FOXP1: variants seen among roughly 807,000 people sequenced by gnomAD.
The protein encoded by FOXP1 is forkhead box protein P1.
In FOXP1, 15 loss-of-function variants were observed where a neutral mutation model predicts 98.2. The ratio of observed to expected loss-of-function variants is 0.15; its 90% confidence interval spans 0.10 to 0.24. The LOEUF is 0.24. Ranked by LOEUF, FOXP1 falls within the 10% of genes least tolerant of loss-of-function variation. FOXP1 has a pLI of 1.00. For synonymous variants in FOXP1, 371 were observed against 314.5 expected (o/e 1.18, Z -1.90); for missense variants, 633 against 848.5 (o/e 0.75, Z 3.15).
chr3:71,541,961 G>A (rs766043868), intron 2 of FOXP1: 18 of 532,046 alleles, frequency 3.4e-5, no homozygotes, highest in East Asian at 5.4e-5. Flanking sequence ...GCATCACGCC[G>A]CGCGAGACAG....
At chr3:71,536,127 G>A (rs766889880) in intron 2 of FOXP1, among the ~76,000 whole-genome samples, 3 of 152,032 alleles carry the variant, frequency 2.0e-5, no homozygotes, top group Non-Finnish European at 2.9e-5. Flanking sequence ...CAGAGAGAAG[G>A]TGCCTCATGT....
At chr3:71,507,877 C>A (rs1438226605) in intron 2 of FOXP1, among the ~76,000 whole-genome samples, 1 of 152,100 alleles carries the variant, frequency 6.6e-6, no homozygotes, top group Non-Finnish European at 1.5e-5. Context: ...ATACCCAGCC[C>A]AAAACTGCTA....
intron 3 of FOXP1, among the ~76,000 whole-genome samples, chr3:71,399,648 A>C (rs1450928400): frequency 6.6e-6 from 1 of 152,188 alleles, no homozygotes; most frequent in East Asian, 1.9e-4. Context: ...CAACCTTCTG[A>C]GATGGAGCAT....
At chr3:71,024,622 C>T (rs562875813) in intron 11 of FOXP1, among the ~76,000 whole-genome samples, 2 of 152,166 alleles carry the variant, frequency 1.3e-5, no homozygotes, top group Non-Finnish European at 2.9e-5. Context: ...TTTTCTGCTG[C>T]TTTTCAAATC....
intron 11 of FOXP1, among the ~76,000 whole-genome samples, chr3:71,030,978 T>C (rs192375537): frequency 5.9e-5 from 9 of 152,310 alleles, no homozygotes; most frequent in African/African-American, 2.2e-4. Context: ...GTCACAGACA[T>C]AGATATCCGC....
intron 7 of FOXP1, among the ~76,000 whole-genome samples, chr3:71,077,208 C>G (rs2053885649): frequency 6.6e-6 from 1 of 152,206 alleles, no homozygotes; most frequent in Non-Finnish European, 1.5e-5. Context: ...AGAACTCTAA[C>G]AAAAACGGCA....
At chr3:70,966,681 C>G (rs996371186) in intron 19 of FOXP1, among the ~76,000 whole-genome samples, 1 of 152,110 alleles carries the variant, frequency 6.6e-6, no homozygotes, top group African/African-American at 2.4e-5. Flanking sequence ...AGAGTCCGAC[C>G]AATTGCCTAG....
intron 20 of FOXP1, among the ~76,000 whole-genome samples, chr3:70,960,451 G>A (rs536686671): frequency 1.3e-5 from 2 of 152,180 alleles, no homozygotes; most frequent in Non-Finnish European, 2.9e-5. Flanking sequence ...ACACAAAACC[G>A]CTCGGATAAC....
intron 2 of FOXP1, among the ~76,000 whole-genome samples, chr3:71,506,585 G>T (rs545459605): frequency 2.8e-4 from 43 of 152,196 alleles, no homozygotes; most frequent in African/African-American, 9.9e-4. Context: ...CTTGACTTAG[G>T]CTCGCTGCTA....
At chr3:71,258,324 G>A (rs1291967876) in intron 5 of FOXP1, among the ~76,000 whole-genome samples, 2 of 151,902 alleles carry the variant, frequency 1.3e-5, no homozygotes, top group Non-Finnish European at 2.9e-5. Flanking sequence ...GGTAGGAGAG[G>A]AGGAAAAAAA....
chr3:71,099,391 A>C (rs2056762758), intron 7 of FOXP1, among the ~76,000 whole-genome samples: 1 of 152,160 alleles, frequency 6.6e-6, no homozygotes. Context: ...GCGCCCCTGT[A>C]ATCCCAGCTA....
At chr3:71,431,062 G>A (rs75583841) in intron 3 of FOXP1, among the ~76,000 whole-genome samples, 2,211 of 152,312 alleles carry the variant, frequency 0.015, 66 homozygotes, top group African/African-American at 0.05. Flanking sequence ...GCAGGGAGGT[G>A]AGTGGTGGAA....
chr3:71,188,693 G>T (rs751613257), intron 6 of FOXP1, among the ~76,000 whole-genome samples: 5 of 152,316 alleles, frequency 3.3e-5, no homozygotes, highest in Non-Finnish European at 5.9e-5. Context: ...GATTACAGGC[G>T]TGAGCCACCA....
intron 2 of FOXP1, among the ~76,000 whole-genome samples, chr3:71,533,421 C>T (rs1351280091): frequency 6.6e-6 from 1 of 152,024 alleles, no homozygotes; most frequent in African/African-American, 2.4e-5. Flanking sequence ...ATTTCATTTC[C>T]TCTAGCTTAC....
At chr3:71,166,398 A>G (rs952634285) in intron 6 of FOXP1, among the ~76,000 whole-genome samples, 3 of 152,208 alleles carry the variant, frequency 2.0e-5, no homozygotes, top group African/African-American at 7.2e-5. Flanking sequence ...CCATTCTTTA[A>G]ACTTTTCTTG....
chr3:71,007,340 C>T lies in FOXP1; in HGVS notation c.975-6281G>A, dbSNP rs186979261. 7.2e-3 allele frequency among the ~76,000 whole-genome samples: 1,090 copies of T among 152,246 alleles called. 11 individuals are homozygous for T. The highest frequency in any genetic ancestry group is 0.025 in the African/African-American group (1,025 of 41,544). ...ATCCACAATTATAGACAGCTATTCC[C>T]TCTACATGGCTGAAGTCTCCTACAC... On this transcript the variant is annotated intron_variant, in intron 12 of 20. Transcript: ENST00000649528.
chr3:71,446,546 GA>G lies in FOXP1; in HGVS notation c.-168+46879del, dbSNP rs142468658. ...CCCAGGGCACCTGCTGCCACACACTGAAAAAAAAAATTAATAAAAGTAAAAA... is the reference window on the plus strand; with the variant it reads ...CCCAGGGCACCTGCTGCCACACACTGAAAAAAAAATTAATAAAAGTAAAAA... On this transcript the variant is annotated intron_variant, in intron 3 of 20. Coordinates refer to ENST00000649528, the MANE Select transcript of FOXP1 (RefSeq NM_001349338.3). 2.9e-4 allele frequency among the ~76,000 whole-genome samples: 43 copies of G among 150,526 alleles called. 1 individual carries two copies. The highest frequency in any genetic ancestry group is 1.6e-3 in the East Asian group (8 of 5,118).
rs142990910 is a variant in FOXP1, at chr3:71,053,263, G to A, written c.420+373C>T. Among the ~76,000 whole-genome samples, 51 of 152,216 alleles carry A rather than the reference G, an allele frequency of 3.4e-4. No individual in the cohort carries two copies. In the East Asian group the frequency reaches 9.3e-3, roughly 28 times the overall value. Reference sequence around the variant, plus strand: ...AAAAAAATCTGTAAGCTTCTGAGTCGAAATGGGGACATCAAGAGCTGTCAT... The same window carrying A: ...AAAAAAATCTGTAAGCTTCTGAGTCAAAATGGGGACATCAAGAGCTGTCAT... On this transcript the variant is annotated intron_variant, in intron 8 of 20. Transcript: ENST00000649528.
chr3:71,412,251 G>A (rs1206052249), intron 3 of FOXP1, among the ~76,000 whole-genome samples: 2 of 152,136 alleles, frequency 1.3e-5, no homozygotes, highest in Non-Finnish European at 2.9e-5. Flanking sequence ...AATGTGTCTT[G>A]GTCTCAGATG....
Sources: gnomAD v4.1 joint callset for allele counts (sites outside exome capture counted in the v4.1 genomes callset) on GRCh38, gnomAD v4.1.1 for gene constraint, MANE v1.5 for transcripts, NCBI Gene and HGNC (gene_info 2026-07-23, HGNC 2026-07-21) for gene names.